Variants in XCR1 observed in about 807,000 individuals in gnomAD.
The protein encoded by XCR1 is X-C motif chemokine receptor 1.
For synonymous variants in XCR1, 187 were observed against 188.5 expected, an observed-to-expected ratio of 0.99 and a Z score of 0.06; for missense variants, 356 against 424.2, an observed-to-expected ratio of 0.84 and a Z score of 1.41.
rs138134443 is a variant in XCR1, at chr3:46,034,448, CTT to C, written c.-31-12472_-31-12471del. On this transcript the variant is annotated intron_variant, in intron 5 of 5. Transcript: ENST00000683768. ...TCCCAATCTTTATACCTTTTATTTCCTTTTTTTTTTGTTTTATTGCAACAGCT... is the reference window on the plus strand; with the variant it reads ...TCCCAATCTTTATACCTTTTATTTCCTTTTTTTTGTTTTATTGCAACAGCT... 8.7e-5 allele frequency among the ~76,000 whole-genome samples: 13 copies of C among 148,812 alleles called. No individual in the cohort carries two copies. The East Asian group carries it at 2.2e-3, about 25-fold the overall frequency.
intron 1 of XCR1, chr3:46,023,567 AC>A: frequency 6.8e-7 from 1 of 1,479,094 alleles, no homozygotes; most frequent in Non-Finnish European, 9.4e-7. Flanking sequence ...CAGAACACAG[AC>A]AAGGATGTAG....
chr3:46,063,868 G>A (rs1698011806), intron 4 of XCR1, among the ~76,000 whole-genome samples: 1 of 152,086 alleles, frequency 6.6e-6, no homozygotes, highest in South Asian at 2.1e-4. Context: ...TTTTCCCAAT[G>A]GTTATTACTA....
At chr3:46,037,257 C>G (rs1453871964) in intron 5 of XCR1, among the ~76,000 whole-genome samples, 1 of 151,962 alleles carries the variant, frequency 6.6e-6, no homozygotes, top group Non-Finnish European at 1.5e-5. Flanking sequence ...CAGGAGTTAT[C>G]TGAATGTTAA....
At chr3:46,043,334 G>A (rs971338698) in intron 5 of XCR1, among the ~76,000 whole-genome samples, 37 of 151,976 alleles carry the variant, frequency 2.4e-4, no homozygotes, top group East Asian at 1.9e-3. Context: ...CCAGCTACTC[G>A]GCAGGCTGAG....
intron 4 of XCR1, among the ~76,000 whole-genome samples, chr3:46,066,625 C>T (rs1698080637): frequency 1.3e-5 from 2 of 152,186 alleles, no homozygotes; most frequent in Non-Finnish European, 2.9e-5. Context: ...AGGCTCCACC[C>T]AGACCTGTAG....
chr3:46,056,611 C>A (rs1464202667), intron 4 of XCR1, among the ~76,000 whole-genome samples: 1 of 151,920 alleles, frequency 6.6e-6, no homozygotes, highest in African/African-American at 2.4e-5. Context: ...ATAACTGGGA[C>A]TACAGGCGCA....
At chr3:46,082,356 T>G (rs2125904950) in intron 1 of XCR1, among the ~76,000 whole-genome samples, 1 of 152,060 alleles carries the variant, frequency 6.6e-6, no homozygotes, top group East Asian at 1.9e-4. Context: ...TTGGATAAAA[T>G]TGTTTTGGTA....
chr3:46,052,707 T>C (rs1006556898), intron 5 of XCR1, among the ~76,000 whole-genome samples: 1 of 152,234 alleles, frequency 6.6e-6, no homozygotes, highest in Admixed American at 6.5e-5. Context: ...AAGTTCTTTG[T>C]ACACCTCACC....
intron 1 of XCR1, among the ~76,000 whole-genome samples, chr3:46,084,084 C>A (rs1048248026): frequency 6.6e-6 from 1 of 152,150 alleles, no homozygotes; most frequent in Non-Finnish European, 1.5e-5. Flanking sequence ...ATGGAGCAAA[C>A]AACAGCAGCT....
chr3:46,043,016 A>G (rs62242838), intron 5 of XCR1, among the ~76,000 whole-genome samples: 28,637 of 146,532 alleles, frequency 0.2, 2,775 homozygotes, highest in East Asian at 0.26. Flanking sequence ...TGGTGGTTCA[A>G]TATAAAAAAA....
At chr3:46,044,280 C>G (rs982538697) in intron 5 of XCR1, among the ~76,000 whole-genome samples, 4 of 152,154 alleles carry the variant, frequency 2.6e-5, no homozygotes, top group African/African-American at 9.6e-5. Flanking sequence ...AGCCACCATG[C>G]CTGGCCCTCA....
At chr3:46,045,366 G>A (rs72901037) in intron 5 of XCR1, among the ~76,000 whole-genome samples, 9 of 151,884 alleles carry the variant, frequency 5.9e-5, no homozygotes, top group African/African-American at 1.2e-4. Flanking sequence ...CCGAGATCGC[G>A]CCAGAGTGAG....
At position 46,020,943 on chromosome 3, in the gene XCR1, C is replaced by A; in HGVS notation, c.*3G>T. On this transcript the variant is annotated 3_prime_UTR_variant, in exon 2 of 2. Coordinates refer to ENST00000309285, the MANE Select transcript of XCR1 (RefSeq NM_001024644.2). ...CACCTGCGCCTGCACCGCCACAGGC[C>A]CCTCAGTAGAAGGAGGCGCCCTCAT... 6.2e-7 allele frequency: 1 copy of A among 1,610,714 alleles called. No individual in the cohort carries two copies.
chr3:46,059,293 C>A (rs1697918126), intron 4 of XCR1, among the ~76,000 whole-genome samples: 1 of 152,184 alleles, frequency 6.6e-6, no homozygotes, highest in African/African-American at 2.4e-5. Context: ...GCACAATATG[C>A]AGGCATCACC....
intron 4 of XCR1, among the ~76,000 whole-genome samples, chr3:46,057,324 A>G (rs1687712746): frequency 6.6e-6 from 1 of 152,174 alleles, no homozygotes; most frequent in South Asian, 2.1e-4. Flanking sequence ...GAAACAGATC[A>G]GATCAGTGGT....
intron 5 of XCR1, among the ~76,000 whole-genome samples, chr3:46,035,739 G>A (rs1217366455): frequency 2.0e-5 from 3 of 152,192 alleles, no homozygotes; most frequent in African/African-American, 7.2e-5. Context: ...CTCAATTTGG[G>A]AAATTTTTGA....
At chr3:46,074,518 T>A (rs13072267) in intron 3 of XCR1, among the ~76,000 whole-genome samples, 13,755 of 151,984 alleles carry the variant, frequency 0.091, 1,008 homozygotes, top group South Asian at 0.34. Flanking sequence ...ATGGGTACAA[T>A]GTACATTATT....
intron 5 of XCR1, among the ~76,000 whole-genome samples, chr3:46,043,717 TACACACACACAC>T (rs144432920): frequency 2.0e-4 from 29 of 141,576 alleles, no homozygotes; most frequent in East Asian, 8.9e-4. Flanking sequence ...ACCTCATCTC[TACACACACACAC>T]ACACACACAC....
chr3:46,083,440 C>T (rs1263537538), intron 1 of XCR1, among the ~76,000 whole-genome samples: 1 of 152,210 alleles, frequency 6.6e-6, no homozygotes, highest in Non-Finnish European at 1.5e-5. Context: ...GGACTAGTTC[C>T]CTCAAACTTT....
Sources: allele counts gnomAD v4.1 joint callset (sites outside exome capture counted in the v4.1 genomes callset), GRCh38; gene constraint gnomAD v4.1.1; transcripts MANE v1.5; gene names NCBI Gene and HGNC (gene_info 2026-07-23, HGNC 2026-07-21).